Variants in CLCN4 observed in about 807,000 individuals in gnomAD.
The protein encoded by CLCN4 is Cl-/H+ antiporter 4, also known as H(+)/Cl(-) exchange transporter 4.
In CLCN4, 1 loss-of-function variant was observed where a neutral mutation model predicts 41.7. The observed-to-expected ratio is 0.02, with a 90% CI of 0.01 to 0.11. The LOEUF (loss-of-function observed/expected upper bound fraction) is 0.11, where lower values mean the gene tolerates loss of function less well. Ranked by LOEUF, CLCN4 falls within the 10% of genes least tolerant of loss-of-function variation. The pLI, the probability that CLCN4 is intolerant of heterozygous loss-of-function variation, is 1.00. For synonymous variants in CLCN4, 277 were observed against 285.8 expected (o/e 0.97, Z 0.31); for missense variants, 287 against 661.0 (o/e 0.43, Z 6.20).
intron 12 of CLCN4, among the ~76,000 whole-genome samples, chrX:10,226,226 G>A (rs181304561): frequency 1.2e-4 from 13 of 106,229 alleles, no homozygotes; most frequent in African/African-American, 4.6e-4. Flanking sequence ...TAGAACTCAA[G>A]ATTAAGAAAC....
At chrX:10,223,230 C>CATGCTGTCT (rs1366906420) in intron 12 of CLCN4, among the ~76,000 whole-genome samples, 1 of 111,988 alleles carries the variant, frequency 8.9e-6, no homozygotes, top group Admixed American at 9.4e-5. Flanking sequence ...TGTGATTGCC[C>CATGCTGTCT]ATGCTGTCTC....
chrX:10,217,918 T>C (rs1924769798), intron 11 of CLCN4, among the ~76,000 whole-genome samples: 1 of 110,966 alleles, frequency 9.0e-6, no homozygotes, highest in Admixed American at 9.6e-5. Context: ...AATTTTTGTA[T>C]TTTTAGTAGG....
At chrX:10,183,254 A>G (rs759371460) in intron 2 of CLCN4, among the ~76,000 whole-genome samples, 1 of 112,136 alleles carries the variant, frequency 8.9e-6, no homozygotes, top group East Asian at 2.8e-4. Context: ...GCATGGCTCA[A>G]ACCTCAAACT....
chrX:10,221,992 A>G (rs1278025172), intron 12 of CLCN4, among the ~76,000 whole-genome samples: 1 of 112,804 alleles, frequency 8.9e-6, no homozygotes. Flanking sequence ...AGAGCTTCTC[A>G]TGGATGAAAT....
At chrX:10,202,670 A>AAAG (rs1479014224) in intron 6 of CLCN4, among the ~76,000 whole-genome samples, 1 of 92,172 alleles carries the variant, frequency 1.1e-5, no homozygotes, top group Non-Finnish European at 2.1e-5. Context: ...AAAAAAAAAA[A>AAAG]GAGTGAATAC....
chrX:10,231,933 T>C (rs748322385), intron 12 of CLCN4, among the ~76,000 whole-genome samples: 1 of 112,625 alleles, frequency 8.9e-6, no homozygotes, highest in African/African-American at 3.2e-5. Flanking sequence ...AAAGTATTAA[T>C]TATCAAATTC....
At chrX:10,191,880 C>T (rs757307316) in intron 4 of CLCN4, among the ~76,000 whole-genome samples, 1 of 109,166 alleles carries the variant, frequency 9.2e-6, no homozygotes, top group South Asian at 4.0e-4. Flanking sequence ...CTTATTTTCT[C>T]CTGTCCCAGG....
intron 2 of CLCN4, among the ~76,000 whole-genome samples, chrX:10,175,855 CCTCT>C (rs372995946): frequency 2.1e-5 from 2 of 97,228 alleles, no homozygotes; most frequent in South Asian, 4.9e-4. Context: ...CTCACAGAAA[CCTCT>C]CTCTCTCTCT....
intron 2 of CLCN4, among the ~76,000 whole-genome samples, chrX:10,161,196 G>A (rs999617633): frequency 9.5e-6 from 1 of 105,298 alleles, no homozygotes; most frequent in Non-Finnish European, 1.9e-5. Context: ...CATGAAAATG[G>A]TCTCCTGGGG....
At chrX:10,161,781 G>C (rs753605445) in intron 2 of CLCN4, among the ~76,000 whole-genome samples, 27 of 111,358 alleles carry the variant, frequency 2.4e-4, no homozygotes, top group South Asian at 7.7e-4. Flanking sequence ...AGCAAGGGGT[G>C]GGGGAGAGGC....
At chrX:10,214,507 G>A (rs1487876624) in intron 11 of CLCN4, among the ~76,000 whole-genome samples, 2 of 112,808 alleles carry the variant, frequency 1.8e-5, no homozygotes, top group African/African-American at 6.4e-5. Context: ...CTGTCTCAGA[G>A]ACTTTCAGGT....
rs1310945929 is a variant in CLCN4, at chrX:10,237,279, G to A, written c.*3695G>A. On this transcript the variant is annotated 3_prime_UTR_variant, in exon 13 of 13. Transcript: ENST00000380833. Reference sequence around the variant, plus strand: ...CTGGAAAAGATGAGAAACCCAAGGAGAACTATTGAATTACCACATAATTGT... The same window carrying A: ...CTGGAAAAGATGAGAAACCCAAGGAAAACTATTGAATTACCACATAATTGT... 8.9e-6 allele frequency: 1 copy of A among 112,293 alleles called. No individual in the cohort carries two copies. The highest frequency in any genetic ancestry group is 1.9e-5 in the Non-Finnish European group (1 of 53,308). 9.3% of individuals were successfully genotyped at this position (112,293 alleles called of 1,213,427 possible).
chrX:10,187,545 G>A lies in CLCN4; in HGVS notation c.175G>A (p.Glu59Lys). The A allele has an allele frequency of 8.3e-7, 1 of 1,210,787 alleles. No individual in the cohort carries two copies. Among genetic ancestry groups the A allele is most frequent in the Non-Finnish European group, 1.1e-6 (1 of 894,491 alleles). ...CAGCAAGAGCAAGGAGTCCATATGG[G>A]AGTTCATCAAGAGCCTGCTGGATGC... Reference protein sequence around the residue: ...ITSKSKESIWEFIKSLLDAWS... With the variant: ...ITSKSKESIWKFIKSLLDAWS... The change falls in exon 4 of 13, where the codon GAG becomes AAG. Residue 59 changes from glutamate (E) to lysine (K), a missense_variant. Coordinates refer to ENST00000380833, the MANE Select transcript of CLCN4 (RefSeq NM_001830.4).
chrX:10,191,859 C>G (rs764303845), intron 4 of CLCN4, among the ~76,000 whole-genome samples: 2 of 109,077 alleles, frequency 1.8e-5, no homozygotes. Flanking sequence ...TTTAACAGAG[C>G]CTTTAATATA....
At chrX:10,217,224 C>T (rs1159030492) in intron 11 of CLCN4, among the ~76,000 whole-genome samples, 6 of 109,600 alleles carry the variant, frequency 5.5e-5, no homozygotes, top group East Asian at 2.9e-4. Context: ...CTTCAGCCTC[C>T]GGAGAAGCTA....
intron 2 of CLCN4, among the ~76,000 whole-genome samples, chrX:10,177,496 G>T (rs901422854): frequency 3.6e-5 from 4 of 111,919 alleles, no homozygotes; most frequent in Non-Finnish European, 7.5e-5. Context: ...TAGTGTGAGG[G>T]TTGGGATAGT....
At chrX:10,197,772 A>C (rs1474851068) in intron 5 of CLCN4, among the ~76,000 whole-genome samples, 167 bp from the exon 6 acceptor site, 1 of 111,766 alleles carries the variant, frequency 8.9e-6, no homozygotes, top group Non-Finnish European at 1.9e-5. Flanking sequence ...TAGCAATAGC[A>C]ACAGCTGATA....
chrX:10,191,242 A>C (rs367787941), intron 4 of CLCN4, among the ~76,000 whole-genome samples: 1 of 112,051 alleles, frequency 8.9e-6, no homozygotes, highest in Non-Finnish European at 1.9e-5. Flanking sequence ...TTCTGTCTCT[A>C]TGGATTTGCC....
At chrX:10,162,002 C>T (rs1247435606) in intron 2 of CLCN4, among the ~76,000 whole-genome samples, 1 of 100,712 alleles carries the variant, frequency 9.9e-6, no homozygotes, top group Non-Finnish European at 2.0e-5. Flanking sequence ...ACCCTTCAGG[C>T]CCAGTTGAGT....
Sources: allele counts gnomAD v4.1 joint callset (sites outside exome capture counted in the v4.1 genomes callset), GRCh38; gene constraint gnomAD v4.1.1; transcripts MANE v1.5; gene names NCBI Gene and HGNC (gene_info 2026-07-23, HGNC 2026-07-21).